Variants in TTBK2 observed in about 807,000 individuals in gnomAD.
The protein encoded by TTBK2 is tau tubulin kinase 2.
Under a neutral mutation model 110.8 loss-of-function variants are expected in TTBK2, and 28 were observed. That is an observed-to-expected ratio of 0.25 (90% confidence interval 0.19 to 0.35). The LOEUF is 0.35. Ranked by LOEUF, TTBK2 falls within the 10% of genes least tolerant of loss-of-function variation. The probability of loss-of-function intolerance (pLI) is 1.00; values close to 1 mark genes in which losing one functional copy is unlikely to be tolerated. For synonymous variants in TTBK2, 532 were observed against 527.3 expected, an observed-to-expected ratio of 1.01 and a Z score of -0.12; for missense variants, 1,369 against 1,500.3, an observed-to-expected ratio of 0.91 and a Z score of 1.45.
At chr15:42,810,531 A>G in intron 9 of TTBK2, 83 bp downstream of exon 9, 1 of 1,569,838 alleles carries the variant, frequency 6.4e-7, no homozygotes, top group Non-Finnish European at 8.7e-7. Flanking sequence ...CTACTCATTT[A>G]TAACACCTTC....
intron 3 of TTBK2, among the ~76,000 whole-genome samples, chr15:42,867,542 A>G (rs1894423766): frequency 6.6e-6 from 1 of 152,188 alleles, no homozygotes; most frequent in Non-Finnish European, 1.5e-5. Context: ...CTGACACCCC[A>G]CCAAAGAAGA....
chr15:42,789,671 T>G (rs1479772055), intron 10 of TTBK2, among the ~76,000 whole-genome samples: 1 of 151,830 alleles, frequency 6.6e-6, no homozygotes, highest in Non-Finnish European at 1.5e-5. Flanking sequence ...GAGGCGGAGG[T>G]TGCAGTGAGC....
intron 1 of TTBK2, among the ~76,000 whole-genome samples, chr15:42,913,794 C>G (rs1316697170): frequency 1.3e-5 from 2 of 152,108 alleles, no homozygotes; most frequent in Non-Finnish European, 2.9e-5. Flanking sequence ...ACTTACATGA[C>G]CAGATTGTTA....
chr15:42,761,627 G>A (rs1010351296), intron 13 of TTBK2, among the ~76,000 whole-genome samples: 4 of 150,426 alleles, frequency 2.7e-5, no homozygotes, highest in Non-Finnish European at 4.4e-5. Flanking sequence ...TAGAAAATGG[G>A]CAAATGGTCT....
chr15:42,908,594 G>A (rs996162125), intron 1 of TTBK2, among the ~76,000 whole-genome samples: 2 of 152,174 alleles, frequency 1.3e-5, no homozygotes, highest in African/African-American at 4.8e-5. Flanking sequence ...AAATTAAAAA[G>A]TGAGGACTTT....
chr15:42,830,565 T>C (rs1892716755), intron 4 of TTBK2, among the ~76,000 whole-genome samples: 1 of 152,140 alleles, frequency 6.6e-6, no homozygotes, highest in African/African-American at 2.4e-5. Flanking sequence ...CAGACAAGTT[T>C]TAGAAAAACC....
At chr15:42,779,408 CAA>C (rs35452096) in intron 11 of TTBK2, among the ~76,000 whole-genome samples, 25 of 102,150 alleles carry the variant, frequency 2.4e-4, no homozygotes, top group Non-Finnish European at 3.1e-4. Flanking sequence ...AACCCTGTCA[CAA>C]AAAAAAAAAA....
intron 6 of TTBK2, among the ~76,000 whole-genome samples, chr15:42,824,927 A>AAAT (rs954682431): frequency 7.2e-5 from 11 of 151,950 alleles, no homozygotes; most frequent in African/African-American, 1.2e-4. Context: ...GGGAAAAAGC[A>AAAT]AATAATAATA....
intron 4 of TTBK2, among the ~76,000 whole-genome samples, chr15:42,834,437 C>G (rs1396586487): frequency 6.6e-6 from 1 of 152,040 alleles, no homozygotes; most frequent in East Asian, 1.9e-4. Flanking sequence ...TTAAAAGGAG[C>G]CAAGGCTTAA....
intron 1 of TTBK2, among the ~76,000 whole-genome samples, chr15:42,899,458 TG>T: frequency 6.6e-6 from 1 of 150,960 alleles, no homozygotes; most frequent in Non-Finnish European, 1.5e-5. Context: ...TAGCCAGGTG[TG>T]GCCGGGCACG....
chr15:42,901,844 A>G (rs2030036218), intron 1 of TTBK2, among the ~76,000 whole-genome samples: 1 of 152,198 alleles, frequency 6.6e-6, no homozygotes, highest in Admixed American at 6.5e-5. Flanking sequence ...ACACTTGTCC[A>G]AAGAAGATAT....
intron 1 of TTBK2, among the ~76,000 whole-genome samples, chr15:42,880,415 C>G (rs541359954): frequency 4.8e-4 from 73 of 152,264 alleles, no homozygotes; most frequent in Non-Finnish European, 8.4e-4. Context: ...GAAACAAAGT[C>G]TTGCTCTGTC....
At position 42,801,456 on chromosome 15, in the gene TTBK2, CA is replaced by C. The variant is rs1891200071; in HGVS notation, c.823-6656del. On this transcript the variant is annotated intron_variant, in intron 9 of 14. Transcript: ENST00000267890. ...CTCTGGCCTTTGAGACCCTCAGTCT[CA>C]GCTTGGAGCCAGCTGATGTTCCGGT... 3 of 817,694 alleles carry C rather than the reference CA, an allele frequency of 3.7e-6. No individual in the cohort carries two copies. In the Admixed American group the frequency reaches 5.1e-5, roughly 14 times the overall value. 50.7% of individuals were successfully genotyped at this position (817,694 alleles called of 1,614,324 possible).
chr15:42,770,057 A>G (rs939666823), intron 13 of TTBK2, among the ~76,000 whole-genome samples: 2 of 148,750 alleles, frequency 1.3e-5, no homozygotes, highest in Non-Finnish European at 3.0e-5. Flanking sequence ...AACAATGAGA[A>G]TACTTGGACA....
chr15:42,756,454 C>T (rs929451177), intron 13 of TTBK2, among the ~76,000 whole-genome samples: 2 of 151,398 alleles, frequency 1.3e-5, no homozygotes, highest in Non-Finnish European at 2.9e-5. Flanking sequence ...GGGGTGATGG[C>T]GGGTGCCTGT....
intron 1 of TTBK2, among the ~76,000 whole-genome samples, chr15:42,913,415 G>A (rs536863385): frequency 3.5e-4 from 53 of 152,082 alleles, no homozygotes; most frequent in Admixed American, 1.6e-3. Flanking sequence ...CGAGGCGGGC[G>A]GATCACGGGG....
intron 3 of TTBK2, among the ~76,000 whole-genome samples, chr15:42,859,090 TATTTAATTTTAA>T (rs1894055955): frequency 6.6e-6 from 1 of 152,114 alleles, no homozygotes; most frequent in Non-Finnish European, 1.5e-5. Context: ...ATTTATTTTT[TATTTAATTTTAA>T]TTTTAATTTT....
chr15:42,746,053 G>T lies in TTBK2; in HGVS notation c.3477C>A (p.Ser1159=), dbSNP rs777708456. 1 of 1,614,152 alleles carries T rather than the reference G, an allele frequency of 6.2e-7. No homozygotes were observed. Among genetic ancestry groups the T allele is most frequent in the South Asian group, 1.1e-5 (1 of 91,078 alleles). ...GTGAGGAACTAGACGTGCGAGGCAA[G>T]GATGAGCTTCGAGGAGAGGCACTGG... is the stretch of plus-strand genomic sequence containing the variant. ...RSPSASPRSS[S]LPRTSSSSPS... is the part of the protein sequence containing the mutation. The change falls in exon 15 of 15, where the codon TCC becomes TCA. Residue 1159 remains serine (S), a synonymous_variant. Transcript: ENST00000267890.
chr15:42,850,980 C>G (rs1380467694), intron 3 of TTBK2, among the ~76,000 whole-genome samples: 1 of 151,780 alleles, frequency 6.6e-6, no homozygotes, highest in African/African-American at 2.4e-5. Flanking sequence ...AATCCCAACA[C>G]TTTGGGAGGC....
Sources: gnomAD v4.1 joint callset for allele counts (sites outside exome capture counted in the v4.1 genomes callset) on GRCh38, gnomAD v4.1.1 for gene constraint, MANE v1.5 for transcripts, NCBI Gene and HGNC (gene_info 2026-07-23, HGNC 2026-07-21) for gene names.